The following FSCN2 variants were observed in gnomAD, a reference collection of about 807,000 sequenced individuals.
FSCN2 encodes fascin-2.
In FSCN2, 46 loss-of-function variants were observed where a neutral mutation model predicts 37.8. The ratio of observed to expected loss-of-function variants is 1.22; its 90% CI spans 0.96 to 1.56. The LOEUF (loss-of-function observed/expected upper bound fraction) is 1.56. FSCN2 is among the 40% of genes most tolerant of loss of function. The pLI is 0.00. For synonymous variants in FSCN2, 351 were observed against 309.4 expected (o/e 1.13, Z -1.41); for missense variants, 844 against 730.4 (o/e 1.16, Z -1.79).
chr17:81,516,000 A>G, the FSCN2 span, among the ~76,000 whole-genome samples: 38 of 152,254 alleles, frequency 2.5e-4, no homozygotes, highest in Admixed American at 7.2e-4. Flanking sequence ...GTGCACCACC[A>G]TGCCTGGCTA....
chr17:81,515,275 C>T, the FSCN2 span, among the ~76,000 whole-genome samples: 1 of 151,890 alleles, frequency 6.6e-6, no homozygotes, highest in Non-Finnish European at 1.5e-5. Context: ...GCAGGGCAGC[C>T]GCCACCCTTC....
chr17:81,529,399 A>AC (rs782146822), intron 1 of FSCN2, 42 bp downstream of exon 1: 8 of 1,443,884 alleles, frequency 5.5e-6, no homozygotes, highest in Admixed American at 4.2e-5. Context: ...GGGTGCTGGG[A>AC]CCCCCCTGCT....
upstream of FSCN2, among the ~76,000 whole-genome samples, chr17:81,526,876 G>A (rs1386902112): frequency 6.6e-6 from 1 of 152,212 alleles, no homozygotes; most frequent in Non-Finnish European, 1.5e-5. Context: ...ATAAATGCGT[G>A]TGAATCATAG....
At position 81,536,656 on chromosome 17, in the gene FSCN2, C is replaced by A; in HGVS notation, c.1140C>A (p.Asn380Lys). 6.2e-7 allele frequency: 1 copy of A among 1,611,142 alleles called. No individual in the cohort carries two copies. Among genetic ancestry groups the A allele is most frequent in the East Asian group, 2.2e-5 (1 of 44,876 alleles). The change falls in exon 4 of 5, where the codon AAC becomes AAA. Residue 380 changes from asparagine (N) to lysine (K), a missense_variant. Transcript: ENST00000417245. ...AAGAGTTCACCCTCAAGCTCATCAA[C>A]CGGCCCATCCTGGTGCTGCGCGGCC... is the stretch of plus-strand genomic sequence containing the variant. ...KDEEFTLKLI[N>K]RPILVLRGLD...
the FSCN2 span, among the ~76,000 whole-genome samples, chr17:81,519,375 C>G: frequency 2.0e-5 from 3 of 152,200 alleles, no homozygotes; most frequent in African/African-American, 7.2e-5. Context: ...TCAGCACGCA[C>G]TTCCCCCGCC....
At chr17:81,532,066 T>C (rs1267672951) in intron 1 of FSCN2, among the ~76,000 whole-genome samples, 1 of 105,380 alleles carries the variant, frequency 9.5e-6, no homozygotes, top group Non-Finnish European at 2.0e-5. Context: ...ATGGTGATGA[T>C]AGTGATGGTG....
At chr17:81,521,703 T>G in the FSCN2 span, among the ~76,000 whole-genome samples, 5 of 152,254 alleles carry the variant, frequency 3.3e-5, no homozygotes, top group East Asian at 3.9e-4. Context: ...TACCTCGTTT[T>G]AAACATCTTG....
At chr17:81,536,039 A>G in intron 2 of FSCN2, 107 bp from the exon 3 acceptor site, 1 of 1,380,552 alleles carries the variant, frequency 7.2e-7, no homozygotes, top group Middle Eastern at 1.9e-4. Flanking sequence ...GTGTCAGTGG[A>G]GGGCAGGCTT....
chr17:81,519,493 G>A, the FSCN2 span, among the ~76,000 whole-genome samples: 1 of 152,148 alleles, frequency 6.6e-6, no homozygotes, highest in Admixed American at 6.5e-5. Flanking sequence ...CGGGAATGGC[G>A]GGCCGCTGTC....
intron 1 of FSCN2, among the ~76,000 whole-genome samples, chr17:81,533,234 C>G (rs1397084401): frequency 1.3e-5 from 2 of 151,134 alleles, no homozygotes; most frequent in Non-Finnish European, 2.9e-5. Context: ...TGCATGTATC[C>G]CCCCCCATCG....
At chr17:81,522,197 C>T in the FSCN2 span, among the ~76,000 whole-genome samples, 2 of 152,084 alleles carry the variant, frequency 1.3e-5, no homozygotes, top group African/African-American at 4.8e-5. Context: ...AGTAGAAATG[C>T]AGTTTCACCA....
the FSCN2 span, among the ~76,000 whole-genome samples, chr17:81,518,558 T>TGGGA: frequency 6.6e-6 from 1 of 152,126 alleles, no homozygotes; most frequent in Admixed American, 6.5e-5. Context: ...ACTCTAGGGC[T>TGGGA]GGGAGGGAGG....
rs1555670812 is a variant in FSCN2 at position 81,529,236 on chromosome 17, AG to A, written c.707del (p.Gly236AlafsTer52). 5 of 1,599,576 alleles carry A rather than the reference AG, an allele frequency of 3.1e-6. No individual in the cohort carries two copies. Among genetic ancestry groups the A allele is most frequent in the Non-Finnish European group, 2.6e-6 (3 of 1,172,500 alleles). On this transcript the variant is annotated frameshift_variant, in exon 1 of 5. Transcript: ENST00000417245. LOFTEE classifies it high-confidence loss of function. ...GHYLAPVGPAGTLKAGRNTRP... is the reference protein window; with the variant it reads ...GHYLAPVGPAXTLKAGRNTRP... ...ACTACCTGGCACCCGTGGGGCCCGCAGGCACCCTCAAGGCCGGCCGAAACAC... is the reference window on the plus strand; with the variant it reads ...ACTACCTGGCACCCGTGGGGCCCGCAGCACCCTCAAGGCCGGCCGAAACAC...
rs1334496836 is a variant in FSCN2, at chr17:81,535,125, AAAG to A, written c.904_906del (p.Lys302del). 25 of 1,534,026 alleles carry A rather than the reference AAAG, an allele frequency of 1.6e-5. No individual in the cohort carries two copies. Among genetic ancestry groups the A allele is most frequent in the Non-Finnish European group, 2.1e-5 (24 of 1,145,436 alleles). On this transcript the variant is annotated inframe_deletion, in exon 2 of 5. Transcript: ENST00000417245. ...TCCTGATGCAAATTGACCAGGAGAC[AAAG>A]AAGTGCACCTTCTATTCCAGCACTG... is the stretch of plus-strand genomic sequence containing the variant.
At chr17:81,533,804 G>T (rs1020029513) in intron 1 of FSCN2, among the ~76,000 whole-genome samples, 1 of 152,206 alleles carries the variant, frequency 6.6e-6, no homozygotes, top group Non-Finnish European at 1.5e-5. Context: ...ACAGCATCCT[G>T]TCTGAAGGGG....
At chr17:81,521,649 A>G in the FSCN2 span, among the ~76,000 whole-genome samples, 1 of 152,150 alleles carries the variant, frequency 6.6e-6, no homozygotes, top group African/African-American at 2.4e-5. Context: ...TGGGATTACA[A>G]ATGTGAGCCA....
At chr17:81,535,644 A>G (rs1168188251) in intron 2 of FSCN2, among the ~76,000 whole-genome samples, 1 of 102,358 alleles carries the variant, frequency 9.8e-6, no homozygotes, top group African/African-American at 3.9e-5. Context: ...CCCCATTACC[A>G]TCTCCACCAT....
chr17:81,526,242 A>G (rs1180110745), upstream of FSCN2, among the ~76,000 whole-genome samples: 1 of 152,204 alleles, frequency 6.6e-6, no homozygotes, highest in Non-Finnish European at 1.5e-5. Flanking sequence ...TGTGGAGGTG[A>G]AGCCAGTGTC....
chr17:81,537,005 C>T lies in FSCN2; in HGVS notation c.1404C>T (p.Tyr468=). 4 of 1,512,270 alleles carry T rather than the reference C, an allele frequency of 2.6e-6. No homozygotes were observed. Among genetic ancestry groups the T allele is most frequent in the Middle Eastern group, 1.7e-4 (1 of 5,788 alleles). The allele number at this position is 1,512,270 out of a possible 1,614,324, so 93.7% of individuals were successfully genotyped here. The change falls in exon 5 of 5, where the codon TAC becomes TAT. Residue 468 remains tyrosine (Y), a synonymous_variant. Coordinates refer to ENST00000417245, the MANE Select transcript of FSCN2 (RefSeq NM_012418.4). ...CCATCCGCGCCCGGAGCGGCAAGTA[C>T]CTGCGCGGCGGCGCCTCGGGCCTGC... ...RLAIRARSGK[Y]LRGGASGLLR...
Sources: gnomAD v4.1 joint callset for allele counts (sites outside exome capture counted in the v4.1 genomes callset) on GRCh38, gnomAD v4.1.1 for gene constraint, MANE v1.5 for transcripts, NCBI Gene and HGNC (gene_info 2026-07-23, HGNC 2026-07-21) for gene names.